The following SMAD2 variants were observed in gnomAD, a reference collection of about 807,000 sequenced individuals.
SMAD2 encodes the protein MAD homolog 2.
Under a neutral mutation model 64.4 loss-of-function variants are expected in SMAD2, and 8 were observed. That is an observed-to-expected ratio of 0.12 (90% CI 0.07 to 0.22). The LOEUF is 0.22. Among genes scored for constraint, SMAD2 ranks in the 10% least tolerant of loss-of-function variants. SMAD2 has a pLI of 1.00. For missense variants in SMAD2, 289 were observed against 561.2 expected (o/e 0.51, Z 4.90); for synonymous variants, 203 against 195.8 (o/e 1.04, Z -0.31).
In SMAD2 at chr18:47,818,753, G is replaced by A. The variant is rs1220724660; in HGVS notation, c.*23074C>T. 1.3e-5 allele frequency: 2 copies of A among 152,162 alleles called. No homozygotes were observed. Among genetic ancestry groups the A allele is most frequent in the Non-Finnish European group, 2.9e-5 (2 of 68,030 alleles). 9.4% of individuals were successfully genotyped at this position (152,162 alleles called of 1,614,324 possible). ...CTGAAAAAAGGGAAAAAAGGGGTTG[G>A]GGAGGTGGGGTAAGAGGTTTTTTAA... On this transcript the variant is annotated 3_prime_UTR_variant, in exon 11 of 11. Coordinates refer to ENST00000262160, the MANE Select transcript of SMAD2 (RefSeq NM_005901.6).
At chr18:47,903,781 T>C (rs1006831919) in intron 1 of SMAD2, among the ~76,000 whole-genome samples, 1 of 145,598 alleles carries the variant, frequency 6.9e-6, no homozygotes, top group African/African-American at 2.5e-5. Context: ...AAATTAAGGA[T>C]ACCATTAGAT....
chr18:47,842,750 G>C (rs558082742), intron 10 of SMAD2, among the ~76,000 whole-genome samples: 1 of 152,124 alleles, frequency 6.6e-6, no homozygotes, highest in Non-Finnish European at 1.5e-5. Flanking sequence ...TTAAAAGCTG[G>C]AATTCAACTT....
intron 6 of SMAD2, among the ~76,000 whole-genome samples, chr18:47,856,920 G>C (rs1348280559): frequency 1.4e-5 from 2 of 147,754 alleles, no homozygotes; most frequent in Non-Finnish European, 3.0e-5. Flanking sequence ...TGCAGTGGCG[G>C]GATCTCGGCT....
At chr18:47,914,725 T>G (rs1278913327) in intron 1 of SMAD2, among the ~76,000 whole-genome samples, 1 of 152,184 alleles carries the variant, frequency 6.6e-6, no homozygotes, top group Non-Finnish European at 1.5e-5. Context: ...AACATCAATG[T>G]AAGAAAATAT....
Position 47,814,192 on chromosome 18 carries a change from G to A in SMAD2, c.*27635C>T, listed in dbSNP as rs1043953729. 1.3e-5 allele frequency: 2 copies of A among 152,202 alleles called. No homozygotes were observed. Among genetic ancestry groups the A allele is most frequent in the African/African-American group, 4.8e-5 (2 of 41,440 alleles). The allele number at this position is 152,202 out of a possible 1,614,324, so 9.4% of individuals were successfully genotyped here. A position where few individuals can be genotyped will look rare whatever the true frequency, so the allele number is the denominator to read the frequency against. On this transcript the variant is annotated 3_prime_UTR_variant, in exon 11 of 11. Coordinates refer to ENST00000262160, the MANE Select transcript of SMAD2 (RefSeq NM_005901.6). ...TTTTCTTCATATATGCCCCCCTGCTGTCTTTCCAATAAAGGTAAGCCCTGA... is the reference window on the plus strand; with the variant it reads ...TTTTCTTCATATATGCCCCCCTGCTATCTTTCCAATAAAGGTAAGCCCTGA...
At chr18:47,919,477 C>T (rs1259640004) in intron 1 of SMAD2, among the ~76,000 whole-genome samples, 18 of 15,344 alleles carry the variant, frequency 1.2e-3, no homozygotes, top group East Asian at 0.05. Flanking sequence ...AATACACACA[C>T]ACACACACAC....
chr18:47,902,621 A>G (rs112806455), intron 1 of SMAD2, among the ~76,000 whole-genome samples: 2,563 of 152,326 alleles, frequency 0.017, 66 homozygotes, highest in African/African-American at 0.057. Flanking sequence ...ATCAGACTAT[A>G]TACTTAAAAA....
At chr18:47,879,362 A>G (rs1047941451) in intron 2 of SMAD2, among the ~76,000 whole-genome samples, 1 of 152,106 alleles carries the variant, frequency 6.6e-6, no homozygotes, top group Non-Finnish European at 1.5e-5. Context: ...AGAGGCAACC[A>G]CTAATCTGAT....
At chr18:47,860,738 G>A (rs552386709) in intron 6 of SMAD2, among the ~76,000 whole-genome samples, 72 of 151,968 alleles carry the variant, frequency 4.7e-4, no homozygotes, top group African/African-American at 1.7e-3. Context: ...AACATAGATG[G>A]AAAAATTCTC....
At position 47,841,764 on chromosome 18, in the gene SMAD2, C is replaced by T. The variant is rs1342244044; in HGVS notation, c.*63G>A. ...TAGTAAACAGTCCATAGGGACCACA[C>T]ACAATGCTATGACAGAAGAGTTGTT... is the stretch of plus-strand genomic sequence containing the variant. On this transcript the variant is annotated 3_prime_UTR_variant, in exon 11 of 11. Transcript: ENST00000262160. 1.1e-5 allele frequency: 17 copies of T among 1,601,652 alleles called. No homozygotes were observed. Among genetic ancestry groups the T allele is most frequent in the East Asian group, 4.5e-5 (2 of 44,804 alleles).
At chr18:47,893,725 C>T (rs915333922) in intron 2 of SMAD2, among the ~76,000 whole-genome samples, 2 of 152,116 alleles carry the variant, frequency 1.3e-5, no homozygotes, top group East Asian at 1.9e-4. Context: ...TAACCTGACA[C>T]AATTTAATTG....
rs1912927066 is a variant in SMAD2 at position 47,830,038 on chromosome 18, C to G, written c.*11789G>C. On this transcript the variant is annotated 3_prime_UTR_variant, in exon 11 of 11. Transcript: ENST00000262160. Reference sequence around the variant, plus strand: ...CACAGTGGTTTGCAGGCCACTAATTCTTTTACAGATGAAAGCATTCAATTA... The same window carrying G: ...CACAGTGGTTTGCAGGCCACTAATTGTTTTACAGATGAAAGCATTCAATTA... 1 of 152,168 alleles carries G rather than the reference C, an allele frequency of 6.6e-6. No homozygotes were observed. Among genetic ancestry groups the G allele is most frequent in the African/African-American group, 2.4e-5 (1 of 41,438 alleles). 9.4% of individuals were successfully genotyped at this position (152,168 alleles called of 1,614,324 possible).
In SMAD2 at chr18:47,840,733, C is replaced by T. The variant is rs80095373; in HGVS notation, c.*1094G>A. ...GGTTACTAAACCAAATCAAACTACTCGAAGAGCAGAAGGTCTGCTGTTGAA... is the reference window on the plus strand; with the variant it reads ...GGTTACTAAACCAAATCAAACTACTTGAAGAGCAGAAGGTCTGCTGTTGAA... On this transcript the variant is annotated 3_prime_UTR_variant, in exon 11 of 11. Transcript: ENST00000262160. The T allele has an allele frequency of 6.3e-4, 145 of 231,180 alleles. No homozygotes were observed. The highest frequency in any genetic ancestry group is 1.0e-3 in the Non-Finnish European group (122 of 116,858). The allele number at this position is 231,180 out of a possible 1,614,324, so 14.3% of individuals were successfully genotyped here.
chr18:47,830,337 G>A lies in SMAD2; in HGVS notation c.*11490C>T. On this transcript the variant is annotated 3_prime_UTR_variant, in exon 11 of 11. Transcript: ENST00000262160. ...CACGCCTGTAATTCCAGCACTTTGG[G>A]AGGCCGAGGCAGGCAAATCATCTGA... 6.6e-6 allele frequency: 1 copy of A among 151,988 alleles called. No homozygotes were observed. The highest frequency in any genetic ancestry group is 1.5e-5 in the Non-Finnish European group (1 of 68,016). 9.4% of individuals were successfully genotyped at this position (151,988 alleles called of 1,614,324 possible). A position where few individuals can be genotyped will look rare whatever the true frequency, so the allele number is the denominator to read the frequency against.
At chr18:47,918,993 C>T (rs145131117) in intron 1 of SMAD2, among the ~76,000 whole-genome samples, 49 of 152,068 alleles carry the variant, frequency 3.2e-4, no homozygotes, top group Non-Finnish European at 6.5e-4. Flanking sequence ...CCCATCAAGA[C>T]CCCAGTAAAA....
At chr18:47,925,711 T>C (rs542757781) in intron 1 of SMAD2, among the ~76,000 whole-genome samples, 6 of 152,254 alleles carry the variant, frequency 3.9e-5, no homozygotes, top group African/African-American at 7.2e-5. Context: ...AGTACTTTTG[T>C]ACTACTGCTA....
chr18:47,841,509 A>C lies in SMAD2; in HGVS notation c.*318T>G. On this transcript the variant is annotated 3_prime_UTR_variant, in exon 11 of 11. Coordinates refer to ENST00000262160, the MANE Select transcript of SMAD2 (RefSeq NM_005901.6). Reference sequence around the variant, plus strand: ...CACAATACTGTGATACTGGATCATGATACATTACCTGTACACATAACTACT... The same window carrying C: ...CACAATACTGTGATACTGGATCATGCTACATTACCTGTACACATAACTACT... 2 of 447,258 alleles carry C rather than the reference A, an allele frequency of 4.5e-6. No homozygotes were observed. Among genetic ancestry groups the C allele is most frequent in the South Asian group, 4.6e-5 (2 of 43,470 alleles). 27.7% of individuals were successfully genotyped at this position (447,258 alleles called of 1,614,324 possible).
intron 2 of SMAD2, among the ~76,000 whole-genome samples, chr18:47,892,037 T>C (rs117378588): frequency 1.0e-3 from 156 of 152,260 alleles, no homozygotes; most frequent in Non-Finnish European, 1.9e-3. Context: ...AAGAAAACTC[T>C]TATTTCTAAT....
chr18:47,821,729 T>C lies in SMAD2; in HGVS notation c.*20098A>G, dbSNP rs964275955. The C allele has an allele frequency of 6.6e-6, 1 of 152,218 alleles. No homozygotes were observed. Among genetic ancestry groups the C allele is most frequent in the Non-Finnish European group, 1.5e-5 (1 of 68,022 alleles). The allele number at this position is 152,218 out of a possible 1,614,324, so 9.4% of individuals were successfully genotyped here. A position where few individuals can be genotyped will look rare whatever the true frequency, so the allele number is the denominator to read the frequency against. On this transcript the variant is annotated 3_prime_UTR_variant, in exon 11 of 11. Coordinates refer to ENST00000262160, the MANE Select transcript of SMAD2 (RefSeq NM_005901.6). The stretch of plus-strand genomic sequence containing the variant: ...GGCAACTGGCCTAAGAAAAATTTTA[T>C]GTTCTATCAAGATAAATTCTTGTGT...
Sources: gnomAD v4.1 joint callset for allele counts (sites outside exome capture counted in the v4.1 genomes callset) on GRCh38, gnomAD v4.1.1 for gene constraint, MANE v1.5 for transcripts, NCBI Gene and HGNC (gene_info 2026-07-23, HGNC 2026-07-21) for gene names.